The following FOXJ3 variants were observed in gnomAD, a reference collection of about 807,000 sequenced individuals.
The protein encoded by FOXJ3 is forkhead box J3.
Under a neutral mutation model 76.1 loss-of-function variants are expected in FOXJ3, and 22 were observed. The ratio of observed to expected loss-of-function variants is 0.29; its 90% CI spans 0.21 to 0.41. FOXJ3 has a LOEUF of 0.41. FOXJ3 is among the 10% of genes least tolerant of loss of function. The probability of loss-of-function intolerance (pLI) is 1.00; values close to 1 mark genes in which losing one functional copy is unlikely to be tolerated. For synonymous variants in FOXJ3, 269 were observed against 261.2 expected (o/e 1.03, Z -0.29); for missense variants, 613 against 762.1 (o/e 0.80, Z 2.30).
At chr1:42,209,202 A>C (rs576152765) in intron 5 of FOXJ3, among the ~76,000 whole-genome samples, 10 of 152,364 alleles carry the variant, frequency 6.6e-5, no homozygotes, top group African/African-American at 2.4e-4. Flanking sequence ...AAATTCAGTA[A>C]CGTTGCGGGA....
chr1:42,271,754 TCCTTCCA>T (rs1374246469), intron 3 of FOXJ3, among the ~76,000 whole-genome samples: 1 of 152,064 alleles, frequency 6.6e-6, no homozygotes, highest in Non-Finnish European at 1.5e-5. Flanking sequence ...GCTCTAGTAA[TCCTTCCA>T]CCTCAGCCTC....
rs139548483 is a variant in FOXJ3, at chr1:42,211,694, C to T, written c.529-5831G>A. Reference sequence around the variant, plus strand: ...CAAGATAAGCTTCAAGAGACCTCTGCCATTCCAGCTCCACTGGAGATAGTG... The same window carrying T: ...CAAGATAAGCTTCAAGAGACCTCTGTCATTCCAGCTCCACTGGAGATAGTG... On this transcript the variant is annotated intron_variant, in intron 5 of 12. Transcript: ENST00000361346. Among the ~76,000 whole-genome samples the T allele has an allele frequency of 3.7e-3, 556 of 152,286 alleles. 5 individuals carry two copies. Among genetic ancestry groups the T allele is most frequent in the African/African-American group, 0.013 (520 of 41,564 alleles).
chr1:42,191,162 A>T, intron 9 of FOXJ3, 141 bp downstream of exon 9: 2 of 762,188 alleles, frequency 2.6e-6, no homozygotes, highest in Non-Finnish European at 3.9e-6. Flanking sequence ...TCTATGAATT[A>T]AATGAGTTAC....
At chr1:42,309,629 C>T (rs1654685584) in intron 2 of FOXJ3, among the ~76,000 whole-genome samples, 1 of 152,158 alleles carries the variant, frequency 6.6e-6, no homozygotes, top group Admixed American at 6.5e-5. Flanking sequence ...CATTGCTATG[C>T]CCCAACATTT....
intron 4 of FOXJ3, among the ~76,000 whole-genome samples, chr1:42,256,699 A>G (rs1650617059): frequency 6.6e-6 from 1 of 152,270 alleles, no homozygotes; most frequent in Non-Finnish European, 1.5e-5. Context: ...TTAACCTTCC[A>G]TCTGCCCTCT....
intron 6 of FOXJ3, among the ~76,000 whole-genome samples, chr1:42,201,164 T>A (rs1646757789): frequency 6.6e-6 from 1 of 152,232 alleles, no homozygotes; most frequent in Non-Finnish European, 1.5e-5. Context: ...ATCCGTAGAT[T>A]CTTTTCAATT....
At chr1:42,324,337 C>T (rs1441744885) in intron 1 of FOXJ3, among the ~76,000 whole-genome samples, 2 of 127,330 alleles carry the variant, frequency 1.6e-5, no homozygotes, top group African/African-American at 7.1e-5. Flanking sequence ...ATAACATATA[C>T]ACTATATACT....
At chr1:42,213,323 G>A (rs1429602798) in intron 5 of FOXJ3, among the ~76,000 whole-genome samples, 1 of 152,082 alleles carries the variant, frequency 6.6e-6, no homozygotes, top group Non-Finnish European at 1.5e-5. Flanking sequence ...AGTATCTGCT[G>A]TCTTCAGAAG....
chr1:42,324,512 C>T (rs1655712776), intron 1 of FOXJ3, among the ~76,000 whole-genome samples: 2 of 151,834 alleles, frequency 1.3e-5, no homozygotes, highest in Non-Finnish European at 2.9e-5. Flanking sequence ...AGTGATGCAT[C>T]GCTTAACAAC....
intron 11 of FOXJ3, among the ~76,000 whole-genome samples, chr1:42,185,846 C>T (rs1646424779): frequency 6.6e-6 from 1 of 152,088 alleles, no homozygotes; most frequent in Non-Finnish European, 1.5e-5. Context: ...GCACACTACA[C>T]CACTAATTTC....
At chr1:42,218,912 G>C (rs1647124526) in intron 5 of FOXJ3, among the ~76,000 whole-genome samples, 1 of 152,152 alleles carries the variant, frequency 6.6e-6, no homozygotes, top group African/African-American at 2.4e-5. Flanking sequence ...CTACCTCAGA[G>C]CCCTTGCACT....
At chr1:42,219,481 T>C (rs1225966918) in intron 5 of FOXJ3, among the ~76,000 whole-genome samples, 1 of 152,212 alleles carries the variant, frequency 6.6e-6, no homozygotes, top group East Asian at 1.9e-4. Flanking sequence ...CGTATACCCC[T>C]CAGGGAGGTC....
At position 42,280,533 on chromosome 1, in the gene FOXJ3, T is replaced by C. The variant is rs75694406; in HGVS notation, c.45-1861A>G. ...CCCAGCAAGAAGTTATAGGGACTTG[T>C]AGAATAAGAAGATAGGATAATTTAG... On this transcript the variant is annotated intron_variant, in intron 2 of 12. Coordinates refer to ENST00000361346, the MANE Select transcript of FOXJ3 (RefSeq NM_014947.5). The C allele has an allele frequency of 3.4e-3, 1,907 of 569,000 alleles. 35 individuals carry two copies. The African/African-American group carries it at 0.038, about 11-fold the overall frequency. 35.2% of individuals were successfully genotyped at this position (569,000 alleles called of 1,614,324 possible). A position where few individuals can be genotyped will look rare whatever the true frequency, so the allele number is the denominator to read the frequency against.
At chr1:42,189,250 G>C in intron 10 of FOXJ3, 53 bp downstream of exon 10, 1 of 1,089,496 alleles carries the variant, frequency 9.2e-7, no homozygotes, top group South Asian at 1.3e-5. Flanking sequence ...TAATCTAGCA[G>C]AGAAACAGGA....
chr1:42,288,389 T>G (rs1441467971), intron 2 of FOXJ3, among the ~76,000 whole-genome samples: 2 of 152,220 alleles, frequency 1.3e-5, no homozygotes, highest in African/African-American at 4.8e-5. Flanking sequence ...GACCTCTGTT[T>G]GCAACCATAC....
chr1:42,202,400 G>A (rs1646780178), intron 6 of FOXJ3, among the ~76,000 whole-genome samples: 1 of 136,596 alleles, frequency 7.3e-6, no homozygotes. Flanking sequence ...CTCACTATGG[G>A]TTGTTTACTG....
chr1:42,185,228 G>A (rs1275022467), intron 11 of FOXJ3, among the ~76,000 whole-genome samples: 2 of 150,544 alleles, frequency 1.3e-5, no homozygotes, highest in African/African-American at 4.9e-5. Context: ...ACCCTATGGA[G>A]AAGTGTAGCC....
At chr1:42,205,934 T>C in intron 5 of FOXJ3, 71 bp from the exon 6 acceptor site, 4 of 821,526 alleles carry the variant, frequency 4.9e-6, no homozygotes, top group Non-Finnish European at 7.9e-6. Context: ...TTTGAAGGGA[T>C]CTCATCAAAT....
chr1:42,302,440 G>C (rs951021703), intron 2 of FOXJ3, among the ~76,000 whole-genome samples: 1 of 152,228 alleles, frequency 6.6e-6, no homozygotes, highest in African/African-American at 2.4e-5. Context: ...AAGACAGGTG[G>C]GTCCAGACCA....
Sources: gnomAD v4.1 joint callset for allele counts (sites outside exome capture counted in the v4.1 genomes callset) on GRCh38, gnomAD v4.1.1 for gene constraint, MANE v1.5 for transcripts, NCBI Gene and HGNC (gene_info 2026-07-23, HGNC 2026-07-21) for gene names.